Variants in SOBP observed in about 807,000 individuals in gnomAD.
SOBP encodes the protein sine oculis binding protein homolog.
A neutral mutation model predicts 53.6 loss-of-function variants in SOBP; 4 were observed. That is an observed-to-expected ratio of 0.07 (90% CI 0.04 to 0.17). SOBP has a LOEUF of 0.17. Among genes scored for constraint, SOBP ranks in the 10% least tolerant of loss-of-function variants. The pLI, the probability that SOBP is intolerant of heterozygous loss-of-function variation, is 1.00. For missense variants in SOBP, 1,088 were observed against 1,204.7 expected, an observed-to-expected ratio of 0.90 and a Z score of 1.43; for synonymous variants, 584 against 522.6, an observed-to-expected ratio of 1.12 and a Z score of -1.60.
chr6:107,612,609 A>G (rs906275186), intron 5 of SOBP, among the ~76,000 whole-genome samples: 1 of 152,172 alleles, frequency 6.6e-6, no homozygotes, highest in Admixed American at 6.5e-5. Flanking sequence ...TTGTAGTTAT[A>G]TATATAAAAC....
At chr6:107,644,821 A>G (rs538182413) in intron 6 of SOBP, among the ~76,000 whole-genome samples, 1 of 152,260 alleles carries the variant, frequency 6.6e-6, no homozygotes, top group Non-Finnish European at 1.5e-5. Flanking sequence ...GCTTGGCAAA[A>G]TAAGTTTTGG....
chr6:107,545,311 C>G (rs7762852), intron 4 of SOBP, among the ~76,000 whole-genome samples: 89,107 of 152,048 alleles, frequency 0.59, 29,540 homozygotes, highest in East Asian at 0.9. Context: ...CAGACAGAAA[C>G]TTTGGGTAAT....
At chr6:107,547,042 T>C (rs921321329) in intron 4 of SOBP, among the ~76,000 whole-genome samples, 6 of 152,188 alleles carry the variant, frequency 3.9e-5, no homozygotes, top group African/African-American at 1.4e-4. Context: ...TGATGGCTTA[T>C]TTGGCAGTAG....
intron 4 of SOBP, among the ~76,000 whole-genome samples, chr6:107,544,211 AAG>A (rs1784231650): frequency 6.6e-6 from 1 of 152,208 alleles, no homozygotes; most frequent in African/African-American, 2.4e-5. Flanking sequence ...ACAGAAGGAA[AAG>A]AGAAGTGTTC....
At chr6:107,539,696 G>A (rs1784099140) in intron 4 of SOBP, among the ~76,000 whole-genome samples, 1 of 152,224 alleles carries the variant, frequency 6.6e-6, no homozygotes, top group Non-Finnish European at 1.5e-5. Context: ...GCAGTGGGCA[G>A]TTCAGTGAAA....
chr6:107,616,716 G>A (rs1018980439), intron 5 of SOBP, among the ~76,000 whole-genome samples: 5 of 152,246 alleles, frequency 3.3e-5, no homozygotes, highest in Admixed American at 6.5e-5. Flanking sequence ...GGGGCCGAGC[G>A]TGGATTCGGG....
chr6:107,611,367 A>G (rs1162092185), intron 5 of SOBP, among the ~76,000 whole-genome samples: 2 of 152,242 alleles, frequency 1.3e-5, no homozygotes, highest in Non-Finnish European at 2.9e-5. Context: ...CTTCCTGCAG[A>G]TGTGGAATTT....
chr6:107,600,250 T>C (rs187932085), intron 5 of SOBP, among the ~76,000 whole-genome samples: 16 of 152,328 alleles, frequency 1.1e-4, no homozygotes, highest in Admixed American at 6.5e-4. Flanking sequence ...TAAAATGCCT[T>C]TCCTCCTACG....
At chr6:107,650,480 T>C (rs1190135416) in intron 6 of SOBP, among the ~76,000 whole-genome samples, 1 of 152,258 alleles carries the variant, frequency 6.6e-6, no homozygotes, top group Non-Finnish European at 1.5e-5. Flanking sequence ...ATGTGCTCAC[T>C]TTATGTCTCT....
chr6:107,500,262 G>A (rs963589993), intron 1 of SOBP, among the ~76,000 whole-genome samples: 4 of 151,656 alleles, frequency 2.6e-5, no homozygotes, highest in Admixed American at 1.3e-4. Flanking sequence ...GGTGGCTTGC[G>A]CCTGTACTCC....
intron 6 of SOBP, among the ~76,000 whole-genome samples, chr6:107,656,857 A>G (rs1041736155): frequency 3.3e-5 from 5 of 152,204 alleles, no homozygotes; most frequent in African/African-American, 7.2e-5. Context: ...ACCTCTCTGA[A>G]GTTATTTGTT....
At chr6:107,623,681 T>C (rs1288829700) in intron 5 of SOBP, among the ~76,000 whole-genome samples, 1 of 152,176 alleles carries the variant, frequency 6.6e-6, no homozygotes, top group East Asian at 1.9e-4. Flanking sequence ...ATTTTTAAAA[T>C]TGGGAAAGGG....
intron 2 of SOBP, among the ~76,000 whole-genome samples, chr6:107,504,978 A>G (rs1005282621): frequency 6.6e-6 from 1 of 152,206 alleles, no homozygotes; most frequent in African/African-American, 2.4e-5. Context: ...CTAGAACGAA[A>G]AAGTTGTTTT....
At chr6:107,650,414 A>G (rs1771755393) in intron 6 of SOBP, among the ~76,000 whole-genome samples, 1 of 152,222 alleles carries the variant, frequency 6.6e-6, no homozygotes, top group Non-Finnish European at 1.5e-5. Context: ...GCCTTTGTAC[A>G]AATGGAAGGT....
At chr6:107,555,461 C>CCCA (rs1297850519) in intron 4 of SOBP, among the ~76,000 whole-genome samples, 1 of 152,180 alleles carries the variant, frequency 6.6e-6, no homozygotes, top group East Asian at 1.9e-4. Context: ...TGAGTTCTCG[C>CCCA]CCACATAGGT....
intron 4 of SOBP, among the ~76,000 whole-genome samples, chr6:107,563,918 A>G (rs1314590813): frequency 6.6e-6 from 1 of 152,208 alleles, no homozygotes; most frequent in Non-Finnish European, 1.5e-5. Flanking sequence ...CCTTGATAGC[A>G]TCCGGTAGGG....
At chr6:107,650,371 T>C (rs1265142085) in intron 6 of SOBP, among the ~76,000 whole-genome samples, 1 of 152,246 alleles carries the variant, frequency 6.6e-6, no homozygotes, top group Non-Finnish European at 1.5e-5. Context: ...TCTCACTTTA[T>C]CATGCTTCGC....
chr6:107,504,749 G>T (rs1193965041), intron 2 of SOBP, among the ~76,000 whole-genome samples: 1 of 152,240 alleles, frequency 6.6e-6, no homozygotes, highest in Non-Finnish European at 1.5e-5. Flanking sequence ...TAATTGAGCT[G>T]CCCTGCAGGC....
chr6:107,638,360 G>A (rs952819338), intron 6 of SOBP, among the ~76,000 whole-genome samples: 6 of 152,146 alleles, frequency 3.9e-5, no homozygotes, highest in Non-Finnish European at 7.3e-5. Flanking sequence ...ATAGCCACGC[G>A]CCACGATGCC....
Sources: allele counts gnomAD v4.1 joint callset (sites outside exome capture counted in the v4.1 genomes callset), GRCh38; gene constraint gnomAD v4.1.1; transcripts MANE v1.5; gene names NCBI Gene and HGNC (gene_info 2026-07-23, HGNC 2026-07-21).